DACH2: variants seen among roughly 807,000 people sequenced by gnomAD.
The protein encoded by DACH2 is dachshund homolog 2.
Under a neutral mutation model 35.8 loss-of-function variants are expected in DACH2, and 17 were observed. That is an observed-to-expected ratio of 0.48 (90% confidence interval 0.33 to 0.71). DACH2 has a LOEUF of 0.71. DACH2 is among the 30% of genes least tolerant of loss of function. The probability of loss-of-function intolerance (pLI) is 0.02; values close to 1 mark genes in which losing one functional copy is unlikely to be tolerated. For synonymous variants in DACH2, 195 were observed against 177.3 expected (o/e 1.10, Z -0.79); for missense variants, 469 against 472.7 (o/e 0.99, Z 0.07).
chrX:86,221,695 G>A (rs5968832), intron 1 of DACH2, among the ~76,000 whole-genome samples: 8,510 of 111,800 alleles, frequency 0.076, 804 homozygotes, highest in African/African-American at 0.26. Context: ...CATGTTTAGT[G>A]ACATAAATAG....
chrX:86,800,201 A>C (rs936333607), intron 7 of DACH2, among the ~76,000 whole-genome samples: 3 of 112,477 alleles, frequency 2.7e-5, no homozygotes. Context: ...TAGTTATTAG[A>C]GAAAATCACC....
intron 7 of DACH2, among the ~76,000 whole-genome samples, chrX:86,802,105 G>A (rs1287382046): frequency 1.8e-5 from 2 of 111,771 alleles, no homozygotes; most frequent in Admixed American, 1.9e-4. Context: ...ATTGTGATAG[G>A]AAGCAATATT....
In DACH2 at chrX:86,536,481, C is replaced by A. The variant is rs145823288; in HGVS notation, c.640+22090C>A. Among the ~76,000 whole-genome samples, 1,067 of 112,245 alleles carry A rather than the reference C, an allele frequency of 9.5e-3. 18 individuals are homozygous for A. Among genetic ancestry groups the A allele is most frequent in the African/African-American group, 0.033 (1,022 of 30,912 alleles). Reference sequence around the variant, plus strand: ...ACTATGTCTTTTCAAGAGAGTCTGACAAGAGGACATCCACCATCTATTTTC... The same window carrying A: ...ACTATGTCTTTTCAAGAGAGTCTGAAAAGAGGACATCCACCATCTATTTTC... On this transcript the variant is annotated intron_variant, in intron 3 of 11. Transcript: ENST00000373125.
At chrX:86,228,816 T>G (rs1200354190) in intron 1 of DACH2, among the ~76,000 whole-genome samples, 1 of 111,070 alleles carries the variant, frequency 9.0e-6, no homozygotes, top group Non-Finnish European at 1.9e-5. Context: ...CGATTGATTG[T>G]TTTTTTTCGT....
intron 6 of DACH2, among the ~76,000 whole-genome samples, chrX:86,719,914 TC>T (rs2041381615): frequency 1.3e-5 from 1 of 79,388 alleles, no homozygotes; most frequent in Admixed American, 2.1e-4. Context: ...TCCCTCCAAA[TC>T]TTTTTTTTTC....
At chrX:86,757,226 CT>C (rs2041838214) in intron 7 of DACH2, among the ~76,000 whole-genome samples, 1 of 111,307 alleles carries the variant, frequency 9.0e-6, no homozygotes, top group Non-Finnish European at 1.9e-5. Context: ...TTCTGCACCC[CT>C]ATGTTGATTG....
chrX:86,288,388 G>A (rs1011633758), intron 1 of DACH2, among the ~76,000 whole-genome samples: 22 of 111,634 alleles, frequency 2.0e-4, no homozygotes, highest in African/African-American at 6.5e-4. Context: ...CCCCTCCCTG[G>A]TTACTGCCTA....
intron 2 of DACH2, among the ~76,000 whole-genome samples, chrX:86,437,646 G>A (rs1180252135): frequency 9.0e-6 from 1 of 110,916 alleles, no homozygotes; most frequent in Non-Finnish European, 1.9e-5. Flanking sequence ...ATATTCCATT[G>A]TGTATATATA....
chrX:86,676,577 A>G (rs150166010), intron 4 of DACH2, among the ~76,000 whole-genome samples: 3,752 of 111,662 alleles, frequency 0.034, 160 homozygotes, highest in African/African-American at 0.12. Context: ...TGATTGAGGA[A>G]CTGAATTTTT....
chrX:86,517,372 G>A (rs973801259), intron 3 of DACH2, among the ~76,000 whole-genome samples: 5 of 109,546 alleles, frequency 4.6e-5, no homozygotes, highest in Admixed American at 2.0e-4. Flanking sequence ...TGTTGGCTGC[G>A]TGTATGTCTC....
At chrX:86,727,911 G>A (rs1176561787) in intron 6 of DACH2, among the ~76,000 whole-genome samples, 2 of 112,090 alleles carry the variant, frequency 1.8e-5, no homozygotes, top group East Asian at 2.8e-4. Context: ...CTGGTACTGA[G>A]GGATAAAACA....
intron 1 of DACH2, among the ~76,000 whole-genome samples, chrX:86,262,133 A>AAG (rs397973115): frequency 3.0e-5 from 3 of 99,367 alleles, no homozygotes; most frequent in African/African-American, 1.2e-4. Flanking sequence ...AAAAAAAAAA[A>AAG]CACACACTAG....
intron 1 of DACH2, among the ~76,000 whole-genome samples, chrX:86,178,824 T>C (rs1410549926): frequency 8.9e-6 from 1 of 111,767 alleles, no homozygotes; most frequent in East Asian, 2.8e-4. Flanking sequence ...TTTCTGAAAT[T>C]GGTGCTCACA....
chrX:86,206,824 A>G (rs979131168), intron 1 of DACH2, among the ~76,000 whole-genome samples: 8 of 112,146 alleles, frequency 7.1e-5, no homozygotes, highest in South Asian at 3.7e-4. Flanking sequence ...TTGCCCACAC[A>G]TGAAATCGAT....
At chrX:86,727,362 T>A (rs959543265) in intron 6 of DACH2, among the ~76,000 whole-genome samples, 1 of 112,119 alleles carries the variant, frequency 8.9e-6, no homozygotes, top group African/African-American at 3.2e-5. Context: ...CCAAAAAATG[T>A]GTTTAGTTAT....
At chrX:86,291,124 T>C in intron 1 of DACH2, among the ~76,000 whole-genome samples, 1 of 105,743 alleles carries the variant, frequency 9.5e-6, no homozygotes, top group Non-Finnish European at 1.9e-5. Context: ...TAGTTCTCCT[T>C]GAAGAGGTCC....
chrX:86,790,033 T>A (rs776707960), intron 7 of DACH2, among the ~76,000 whole-genome samples: 16 of 112,114 alleles, frequency 1.4e-4, no homozygotes, highest in Admixed American at 7.6e-4. Flanking sequence ...TAGAAAAATA[T>A]TTCACATGTG....
intron 1 of DACH2, among the ~76,000 whole-genome samples, chrX:86,222,606 G>A (rs778902680): frequency 9.0e-6 from 1 of 111,365 alleles, no homozygotes; most frequent in East Asian, 2.8e-4. Context: ...CAGCAGTTAA[G>A]ACTAGAACTA....
intron 1 of DACH2, among the ~76,000 whole-genome samples, chrX:86,318,860 C>T (rs2034963932): frequency 9.0e-6 from 1 of 111,145 alleles, no homozygotes; most frequent in Admixed American, 9.6e-5. Context: ...TTTTAGATTA[C>T]CATTAGTTAC....
Sources: gnomAD v4.1 joint callset for allele counts (sites outside exome capture counted in the v4.1 genomes callset) on GRCh38, gnomAD v4.1.1 for gene constraint, MANE v1.5 for transcripts, NCBI Gene and HGNC (gene_info 2026-07-23, HGNC 2026-07-21) for gene names.